Variants in FREM1 observed in about 807,000 individuals in gnomAD.
FREM1 encodes the protein FRAS1-related extracellular matrix protein 1.
In FREM1, 220 loss-of-function variants were observed where a neutral mutation model predicts 210.1. The observed-to-expected ratio is 1.05, with a 90% CI of 0.94 to 1.17. The LOEUF is 1.17. Among genes scored for constraint, FREM1 ranks in the 50% most tolerant of loss-of-function variants. FREM1 has a pLI of 0.00. For synonymous variants in FREM1, 1,189 were observed against 980.2 expected, an observed-to-expected ratio of 1.21 and a Z score of -3.98; for missense variants, 3,454 against 2,675.5, an observed-to-expected ratio of 1.29 and a Z score of -6.42.
At chr9:14,876,391 C>G (rs902399769) in intron 1 of FREM1, among the ~76,000 whole-genome samples, 15 of 152,196 alleles carry the variant, frequency 9.9e-5, no homozygotes, top group African/African-American at 3.1e-4. Context: ...GGCGGGCGCC[C>G]CTCCCCCAGC....
chr9:14,828,638 C>CAG (rs758206997), intron 10 of FREM1, among the ~76,000 whole-genome samples: 1 of 74,926 alleles, frequency 1.3e-5, no homozygotes, highest in African/African-American at 6.0e-5. Context: ...TAAATTGTGG[C>CAG]GGGGCGGGGG....
At chr9:14,781,605 C>G (rs1587935184) in intron 24 of FREM1, among the ~76,000 whole-genome samples, 1 of 152,012 alleles carries the variant, frequency 6.6e-6, no homozygotes, top group South Asian at 2.1e-4. Flanking sequence ...GTATCAACAC[C>G]CACACACACT....
intron 1 of FREM1, among the ~76,000 whole-genome samples, chr9:14,905,147 C>A (rs1052825289): frequency 6.6e-6 from 1 of 152,060 alleles, no homozygotes. Context: ...AAGATAATAA[C>A]CATGACTGTT....
At chr9:14,763,405 A>G (rs1845853506) in intron 27 of FREM1, among the ~76,000 whole-genome samples, 3 of 152,152 alleles carry the variant, frequency 2.0e-5, no homozygotes, top group African/African-American at 7.2e-5. Flanking sequence ...TCACAATAGA[A>G]AAAGCTGGTT....
chr9:14,751,389 C>G (rs1414039014), intron 29 of FREM1, among the ~76,000 whole-genome samples: 1 of 152,194 alleles, frequency 6.6e-6, no homozygotes, highest in Non-Finnish European at 1.5e-5. Flanking sequence ...TGGTAAACAA[C>G]TGTAATCCCA....
rs776689774 is a variant in FREM1 at position 14,842,457 on chromosome 9, C to T, written c.1597G>A (p.Glu533Lys). ...FLITNVVIEL[E>K]EGQTILIQGS... ...TGGATCAGGATGGTCTGCCCCTCCT[C>T]CAGTTCAATCACAACATTGGTTATG... is the stretch of plus-strand genomic sequence containing the variant. Residue 533 changes from glutamate (E) to lysine (K), a missense_variant, in exon 9 of 37, where the codon GAG (glutamate) becomes AAG (lysine). Physicochemically the swap from Glu to Lys is moderately conservative, Grantham distance 56. Coordinates refer to ENST00000380880, the MANE Select transcript of FREM1 (RefSeq NM_001379081.2). 1 of 1,614,012 alleles carries T rather than the reference C, an allele frequency of 6.2e-7. No homozygotes were observed. Among genetic ancestry groups the T allele is most frequent in the Non-Finnish European group, 8.5e-7 (1 of 1,179,876 alleles).
intron 24 of FREM1, chr9:14,784,162 C>A: frequency 2.1e-6 from 1 of 473,104 alleles, no homozygotes; most frequent in Non-Finnish European, 3.7e-6. Context: ...ACAGCTGCAC[C>A]AGAGCTGAAA....
In FREM1 at chr9:14,836,762, G is replaced by T. The variant is rs1824690185; in HGVS notation, c.1881+4685C>A. 6.6e-6 allele frequency among the ~76,000 whole-genome samples: 1 copy of T among 152,184 alleles called. No individual in the cohort carries two copies. Among genetic ancestry groups the T allele is most frequent in the Non-Finnish European group, 1.5e-5 (1 of 68,036 alleles). On this transcript the variant is annotated intron_variant, in intron 10 of 36. Transcript: ENST00000380880. This position sits in a 1 kb window ranked among gnomAD's most constrained non-coding sequence, Gnocchi z 4.9. ...TCCGAGGACCCTTAAATCAATCCCA[G>T]GAGGAGCCCTAACTGCTGTTCCCCA... is the stretch of plus-strand genomic sequence containing the variant.
intron 24 of FREM1, among the ~76,000 whole-genome samples, chr9:14,780,027 G>C (rs903045595): frequency 3.3e-5 from 5 of 152,120 alleles, no homozygotes; most frequent in African/African-American, 1.2e-4. Flanking sequence ...GGTCAGTGCT[G>C]TTCATGTCTG....
At chr9:14,760,611 AT>A (rs895620559) in intron 27 of FREM1, among the ~76,000 whole-genome samples, 3 of 151,884 alleles carry the variant, frequency 2.0e-5, no homozygotes, top group Admixed American at 1.3e-4. Flanking sequence ...AGAGAGGAAC[AT>A]TTTTTTTCAA....
At chr9:14,778,944 T>C (rs1410424378) in intron 24 of FREM1, among the ~76,000 whole-genome samples, 1 of 152,156 alleles carries the variant, frequency 6.6e-6, no homozygotes, top group Non-Finnish European at 1.5e-5. Context: ...TTCTTCAAAC[T>C]TTTTACTTAG....
intron 25 of FREM1, among the ~76,000 whole-genome samples, chr9:14,775,482 G>T (rs529782674): frequency 6.6e-6 from 1 of 152,150 alleles, no homozygotes; most frequent in East Asian, 1.9e-4. Flanking sequence ...GAGGCAGGTG[G>T]ATCATTTGAA....
intron 3 of FREM1, among the ~76,000 whole-genome samples, chr9:14,861,157 G>A (rs111206608): frequency 0.35 from 17,971 of 51,044 alleles, 4,358 homozygotes; most frequent in African/African-American, 0.68. Flanking sequence ...ACATATATAC[G>A]TATATACACA....
At chr9:14,766,577 T>A (rs534134291) in intron 27 of FREM1, among the ~76,000 whole-genome samples, 15 of 152,164 alleles carry the variant, frequency 9.9e-5, no homozygotes, top group Admixed American at 9.8e-4. Context: ...CTTTTTAGAG[T>A]GGAGCATCTA....
At chr9:14,821,900 A>G (rs1416066822) in intron 13 of FREM1, among the ~76,000 whole-genome samples, 1 of 152,152 alleles carries the variant, frequency 6.6e-6, no homozygotes, top group East Asian at 1.9e-4. Flanking sequence ...TTATTTTCAT[A>G]TATTGTTTTG....
chr9:14,755,879 T>C (rs1164790892), intron 29 of FREM1, among the ~76,000 whole-genome samples: 1 of 152,168 alleles, frequency 6.6e-6, no homozygotes, highest in African/African-American at 2.4e-5. Context: ...CTAGCAAAAT[T>C]TTTCCACAAA....
At chr9:14,772,578 T>G (rs1208548450) in intron 25 of FREM1, among the ~76,000 whole-genome samples, 1 of 152,240 alleles carries the variant, frequency 6.6e-6, no homozygotes, top group Non-Finnish European at 1.5e-5. Flanking sequence ...TTCTTGTAGT[T>G]TATGAATTAT....
At chr9:14,835,340 C>T (rs1342093781) in intron 10 of FREM1, among the ~76,000 whole-genome samples, 1 of 152,188 alleles carries the variant, frequency 6.6e-6, no homozygotes. Context: ...TCTGTAAGTA[C>T]TCTTATGGCA....
intron 1 of FREM1, among the ~76,000 whole-genome samples, chr9:14,870,373 T>G (rs1832393161): frequency 6.6e-6 from 1 of 152,204 alleles, no homozygotes; most frequent in Non-Finnish European, 1.5e-5. Flanking sequence ...AGTCCCAGAG[T>G]AAAACTGTTC....
Sources: allele counts gnomAD v4.1 joint callset (sites outside exome capture counted in the v4.1 genomes callset), GRCh38; gene constraint gnomAD v4.1.1; non-coding constraint Gnocchi (gnomAD v3.1); transcripts MANE v1.5; gene names NCBI Gene and HGNC (gene_info 2026-07-23, HGNC 2026-07-21).